Variants in PTPRD observed in about 807,000 individuals in gnomAD.
PTPRD encodes receptor-type tyrosine-protein phosphatase delta.
A neutral mutation model predicts 214.5 loss-of-function variants in PTPRD; 34 were observed. The ratio of observed to expected loss-of-function variants is 0.16; its 90% CI spans 0.12 to 0.21. The LOEUF (loss-of-function observed/expected upper bound fraction) is 0.21. Ranked by LOEUF, PTPRD falls within the 10% of genes least tolerant of loss-of-function variation. The probability of loss-of-function intolerance (pLI) is 1.00; values close to 1 mark genes in which losing one functional copy is unlikely to be tolerated. For synonymous variants in PTPRD, 1,128 were observed against 845.7 expected (o/e 1.33, Z -5.79); for missense variants, 2,545 against 2,398.7 (o/e 1.06, Z -1.27).
At chr9:8,534,460 TG>T (rs2139853684) in intron 14 of PTPRD, among the ~76,000 whole-genome samples, 1 of 152,056 alleles carries the variant, frequency 6.6e-6, no homozygotes, top group East Asian at 1.9e-4. Context: ...TCTAAGTCAC[TG>T]GATATCTTAC....
intron 3 of PTPRD, among the ~76,000 whole-genome samples, chr9:10,041,303 T>C (rs1461779690): frequency 2.0e-5 from 3 of 152,004 alleles, no homozygotes; most frequent in Non-Finnish European, 4.4e-5. Context: ...TTTCAATTTT[T>C]ATTTTGAATG....
intron 7 of PTPRD, among the ~76,000 whole-genome samples, chr9:9,676,755 G>A (rs1019413313): frequency 1.3e-5 from 2 of 152,080 alleles, no homozygotes; most frequent in African/African-American, 2.4e-5. Context: ...GTGTAAAAGT[G>A]TTCCTATTTC....
At chr9:9,808,051 A>T (rs991479532) in intron 5 of PTPRD, among the ~76,000 whole-genome samples, 1 of 152,192 alleles carries the variant, frequency 6.6e-6, no homozygotes, top group Non-Finnish European at 1.5e-5. Flanking sequence ...AAACCAAAAT[A>T]GGCAACTATC....
intron 12 of PTPRD, among the ~76,000 whole-genome samples, chr9:8,730,504 G>T (rs1005470054): frequency 7.9e-5 from 12 of 152,198 alleles, no homozygotes; most frequent in Non-Finnish European, 1.5e-4. Context: ...AATGACCACA[G>T]TGTAAACTCA....
In PTPRD at chr9:10,321,749, G is replaced by C. The variant is rs994901643; in HGVS notation, c.-545+19214C>G. On this transcript the variant is annotated intron_variant, in intron 3 of 45. Transcript: ENST00000381196. ...TATGTTTGAAACTGCCACCCAAGTA[G>C]ATTAATATATAGAATTAAGAAACAG... 2.0e-5 allele frequency among the ~76,000 whole-genome samples: 3 copies of C among 152,008 alleles called. No individual in the cohort carries two copies. In the South Asian group the frequency reaches 6.2e-4, roughly 31 times the overall value.
chr9:9,843,249 C>T (rs894369870), intron 5 of PTPRD, among the ~76,000 whole-genome samples: 6 of 151,886 alleles, frequency 4.0e-5, no homozygotes, highest in African/African-American at 9.7e-5. Flanking sequence ...GTAGACAAGG[C>T]GGAAATCATA....
rs552533120 is a variant in PTPRD, at chr9:8,957,507, A to G, written c.-104+61190T>C. On this transcript the variant is annotated intron_variant, in intron 11 of 45. Coordinates refer to ENST00000381196, the MANE Select transcript of PTPRD (RefSeq NM_002839.4). ...CAGCCAAAATCAAACCCTGTCCACT[A>G]TAAGTCAACCATGCAAGCACCCTCT... Among the ~76,000 whole-genome samples, 6 of 151,912 alleles carry G rather than the reference A, an allele frequency of 3.9e-5. No individual in the cohort carries two copies. The East Asian group carries it at 9.7e-4, about 24-fold the overall frequency.
At chr9:9,299,927 G>C (rs1163244615) in intron 9 of PTPRD, among the ~76,000 whole-genome samples, 3 of 149,964 alleles carry the variant, frequency 2.0e-5, no homozygotes, top group Non-Finnish European at 4.5e-5. Flanking sequence ...CTACGTGACA[G>C]CTATAGGCCT....
At chr9:10,008,909 C>G (rs2096542655) in intron 4 of PTPRD, among the ~76,000 whole-genome samples, 1 of 151,674 alleles carries the variant, frequency 6.6e-6, no homozygotes, top group Non-Finnish European at 1.5e-5. Context: ...AATTGACTAA[C>G]AATAATATAA....
At chr9:9,376,177 T>C (rs1234521274) in intron 9 of PTPRD, among the ~76,000 whole-genome samples, 1 of 152,148 alleles carries the variant, frequency 6.6e-6, no homozygotes, top group Non-Finnish European at 1.5e-5. Context: ...GTGTTGAGTG[T>C]ATGGGCTTGA....
intron 11 of PTPRD, among the ~76,000 whole-genome samples, chr9:8,962,349 G>C (rs375982566): frequency 1.3e-5 from 2 of 152,230 alleles, no homozygotes; most frequent in East Asian, 3.9e-4. Flanking sequence ...ACATGATTCA[G>C]AGAGGCTAAT....
chr9:8,896,918 A>G (rs540568997), intron 11 of PTPRD, among the ~76,000 whole-genome samples: 1 of 152,336 alleles, frequency 6.6e-6, no homozygotes, highest in South Asian at 2.1e-4. Flanking sequence ...TTGCTTTGAG[A>G]TCAAGAAAGA....
intron 5 of PTPRD, among the ~76,000 whole-genome samples, chr9:9,845,046 C>CTATA (rs35360703): frequency 9.7e-6 from 1 of 102,774 alleles, no homozygotes; most frequent in Non-Finnish European, 2.0e-5. Flanking sequence ...ATATATATAG[C>CTATA]TATATATAGA....
At chr9:8,832,229 G>T (rs1418476989) in intron 11 of PTPRD, among the ~76,000 whole-genome samples, 2 of 151,810 alleles carry the variant, frequency 1.3e-5, no homozygotes, top group Non-Finnish European at 2.9e-5. Flanking sequence ...GGTGTGCATT[G>T]ATCCAGTAAT....
chr9:8,977,298 G>T (rs16928703), intron 11 of PTPRD, among the ~76,000 whole-genome samples: 1 of 151,812 alleles, frequency 6.6e-6, no homozygotes, highest in African/African-American at 2.4e-5. Flanking sequence ...GCATAACTTG[G>T]ATCCTATCAT....
At chr9:8,844,065 C>T (rs1331349764) in intron 11 of PTPRD, among the ~76,000 whole-genome samples, 3 of 152,226 alleles carry the variant, frequency 2.0e-5, no homozygotes, top group East Asian at 1.9e-4. Flanking sequence ...CTCATCCAGA[C>T]GTATGGAAAC....
At chr9:10,149,483 A>G (rs1374460068) in intron 3 of PTPRD, among the ~76,000 whole-genome samples, 1 of 152,160 alleles carries the variant, frequency 6.6e-6, no homozygotes, top group East Asian at 1.9e-4. Context: ...TTAAATGAAT[A>G]GCAGATGGTA....
At chr9:9,131,852 T>C (rs972688240) in intron 10 of PTPRD, among the ~76,000 whole-genome samples, 1 of 152,120 alleles carries the variant, frequency 6.6e-6, no homozygotes, top group Non-Finnish European at 1.5e-5. Flanking sequence ...TAAAACAACA[T>C]TAAAATTTTT....
chr9:8,761,956 C>A (rs1221536502), intron 11 of PTPRD, among the ~76,000 whole-genome samples: 1 of 152,138 alleles, frequency 6.6e-6, no homozygotes, highest in Non-Finnish European at 1.5e-5. Flanking sequence ...ATTATTAACA[C>A]ATGAATCACA....
Sources: allele counts gnomAD v4.1 joint callset (sites outside exome capture counted in the v4.1 genomes callset), GRCh38; gene constraint gnomAD v4.1.1; transcripts MANE v1.5; gene names NCBI Gene and HGNC (gene_info 2026-07-23, HGNC 2026-07-21).